Variants in SEH1L observed in about 807,000 individuals in gnomAD.
The protein encoded by SEH1L is SEH1 like nucleoporin.
SEH1L carries 18 observed loss-of-function variants against 49.5 expected under a neutral mutation model. The ratio of observed to expected loss-of-function variants is 0.36; its 90% CI spans 0.25 to 0.54. The LOEUF (loss-of-function observed/expected upper bound fraction) is 0.54. Ranked by LOEUF, SEH1L falls within the 20% of genes least tolerant of loss-of-function variation. The pLI is 0.87. For synonymous variants in SEH1L, 169 were observed against 178.1 expected (o/e 0.95, Z 0.41); for missense variants, 404 against 528.8 (o/e 0.76, Z 2.31).
At chr18:12,964,981 C>A (rs185448081) in intron 4 of SEH1L, among the ~76,000 whole-genome samples, 1 of 149,636 alleles carries the variant, frequency 6.7e-6, no homozygotes, top group African/African-American at 2.5e-5. Flanking sequence ...TTGCTTCCCC[C>A]TCACATTGCC....
At chr18:12,975,883 G>T (rs568222560) in intron 5 of SEH1L, 2 of 985,506 alleles carry the variant, frequency 2.0e-6, no homozygotes, top group East Asian at 1.1e-4. Context: ...TGTAGGTCAC[G>T]TGAGTCTTGG....
At chr18:12,986,380 C>CATG in intron 8 of SEH1L, 1 of 985,492 alleles carries the variant, frequency 1.0e-6, no homozygotes, top group Non-Finnish European at 1.2e-6. Flanking sequence ...TCTTCAAAAG[C>CATG]ATGTTGCAGT....
At chr18:12,980,343 C>A (rs1190622677) in intron 6 of SEH1L, among the ~76,000 whole-genome samples, 3 of 123,824 alleles carry the variant, frequency 2.4e-5, no homozygotes, top group African/African-American at 6.0e-5. Context: ...CCTCACCTCC[C>A]GGACAGGGCG....
intron 3 of SEH1L, among the ~76,000 whole-genome samples, chr18:12,957,088 A>C (rs1480437606): frequency 6.6e-6 from 1 of 151,734 alleles, no homozygotes; most frequent in Admixed American, 6.6e-5. Context: ...AAATTCTATA[A>C]AAATTGTTTC....
At chr18:12,982,867 A>G (rs1181644937) in intron 7 of SEH1L, 192 bp downstream of exon 7, 8 of 489,134 alleles carry the variant, frequency 1.6e-5, no homozygotes, top group Non-Finnish European at 2.9e-5. Context: ...TTTTTAAGTT[A>G]TGTGGAACAG....
chr18:12,973,375 C>T (rs2031782618), intron 5 of SEH1L: 1 of 151,714 alleles, frequency 6.6e-6, no homozygotes, highest in South Asian at 2.1e-4. Context: ...TCTCAGCTCA[C>T]TGCAACCTCT....
chr18:12,974,492 A>G (rs2031834495), intron 5 of SEH1L: 1 of 151,916 alleles, frequency 6.6e-6, no homozygotes, highest in Admixed American at 6.6e-5. Context: ...TTTGGCCAGG[A>G]TGGTCTCCAT....
chr18:12,956,965 G>T (rs952950879), intron 3 of SEH1L, among the ~76,000 whole-genome samples: 1 of 152,174 alleles, frequency 6.6e-6, no homozygotes, highest in African/African-American at 2.4e-5. Context: ...CTACTCTGGA[G>T]GCTGAGGCAG....
rs1053141185 is a variant in SEH1L, at chr18:12,982,753, T to G, written c.919+78T>G. 5 of 1,187,596 alleles carry G rather than the reference T, an allele frequency of 4.2e-6. No homozygotes were observed. The African/African-American group carries it at 6.2e-5, about 15-fold the overall frequency. The allele number at this position is 1,187,596 out of a possible 1,614,324, so 73.6% of individuals were successfully genotyped here. On this transcript the variant is annotated intron_variant, in intron 7 of 8. Transcript: ENST00000399892. Reference sequence around the variant, plus strand: ...TTTACTTAAAATGTAAACTCTGAAATATTTTTTGAAAATGGTCTTTTACAG... The same window carrying G: ...TTTACTTAAAATGTAAACTCTGAAAGATTTTTTGAAAATGGTCTTTTACAG...
chr18:12,965,581 G>A (rs1450130232), intron 4 of SEH1L, among the ~76,000 whole-genome samples: 2 of 152,166 alleles, frequency 1.3e-5, no homozygotes, highest in African/African-American at 4.8e-5. Flanking sequence ...TTAGAGTTCC[G>A]AATGTAAGAA....
chr18:12,952,003 G>GTTCTT, intron 2 of SEH1L, 98 bp downstream of exon 2: 1 of 628,566 alleles, frequency 1.6e-6, no homozygotes, highest in Non-Finnish European at 2.6e-6. Context: ...CATTTATACA[G>GTTCTT]TAGTTCTTTT....
At chr18:12,953,536 G>C (rs546640360) in intron 2 of SEH1L, among the ~76,000 whole-genome samples, 2 of 152,300 alleles carry the variant, frequency 1.3e-5, no homozygotes, top group South Asian at 2.1e-4. Context: ...TAGTAGTTGA[G>C]AAGTGACCAC....
chr18:12,985,323 C>G, intron 8 of SEH1L: 1 of 1,572,184 alleles, frequency 6.4e-7, no homozygotes, highest in East Asian at 2.3e-5. Flanking sequence ...AAAGCGAGCT[C>G]CTTTTCCCCT....
Position 12,971,268 on chromosome 18 carries a change from T to A in SEH1L, c.620+17T>A. ...AAACACCAGGTCAGTCCTGCTTTGG[T>A]TTTAATAATTGTTCAGAATTGCATT... On this transcript the variant is annotated intron_variant, in intron 5 of 8. Coordinates refer to ENST00000399892, the MANE Select transcript of SEH1L (RefSeq NM_001013437.2). 6.7e-7 allele frequency: 1 copy of A among 1,490,288 alleles called. No homozygotes were observed. Among genetic ancestry groups the A allele is most frequent in the Non-Finnish European group, 9.3e-7 (1 of 1,072,012 alleles). 92.3% of individuals were successfully genotyped at this position (1,490,288 alleles called of 1,614,324 possible).
intron 1 of SEH1L, among the ~76,000 whole-genome samples, chr18:12,951,387 A>G (rs1174712437): frequency 6.6e-6 from 1 of 151,984 alleles, no homozygotes; most frequent in Non-Finnish European, 1.5e-5. Flanking sequence ...GACACATTCA[A>G]GGTTCTCAAT....
intron 8 of SEH1L, chr18:12,985,186 T>C: frequency 6.4e-7 from 1 of 1,563,988 alleles, no homozygotes; most frequent in Admixed American, 1.8e-5. Flanking sequence ...TAACCATCTG[T>C]GTTAGATCTG....
At chr18:12,959,332 C>T (rs977250998) in intron 3 of SEH1L, among the ~76,000 whole-genome samples, 3 of 152,116 alleles carry the variant, frequency 2.0e-5, no homozygotes, top group Non-Finnish European at 4.4e-5. Context: ...GCAATATTTG[C>T]ATTTATACTT....
chr18:12,960,658 A>G (rs908446146), intron 3 of SEH1L, among the ~76,000 whole-genome samples: 6 of 152,248 alleles, frequency 3.9e-5, no homozygotes, highest in East Asian at 1.9e-4. Context: ...TTATAGAATT[A>G]TAAAAGTTTT....
In SEH1L at chr18:12,987,412, A is replaced by G. The variant is rs1417504660; in HGVS notation, c.*355A>G. 6.3e-6 allele frequency: 1 copy of G among 159,474 alleles called. No homozygotes were observed. Among genetic ancestry groups the G allele is most frequent in the African/African-American group, 2.4e-5 (1 of 41,732 alleles). 9.9% of individuals were successfully genotyped at this position (159,474 alleles called of 1,614,324 possible). A position where few individuals can be genotyped will look rare whatever the true frequency, so the allele number is the denominator to read the frequency against. ...TTATCAGACTGGCTAATGTGAAAGC[A>G]TAATATTATGAAGTTTATTCTGCCT... On this transcript the variant is annotated 3_prime_UTR_variant, in exon 9 of 9. Transcript: ENST00000399892.
Sources: allele counts gnomAD v4.1 joint callset (sites outside exome capture counted in the v4.1 genomes callset), GRCh38; gene constraint gnomAD v4.1.1; transcripts MANE v1.5; gene names NCBI Gene and HGNC (gene_info 2026-07-23, HGNC 2026-07-21).